The following NRF1 variants were observed in gnomAD, a reference collection of about 807,000 sequenced individuals.
The protein encoded by NRF1 is nuclear respiratory factor 1.
NRF1 carries 5 observed loss-of-function variants against 58.5 expected under a neutral mutation model. The observed-to-expected ratio is 0.09, with a 90% CI of 0.04 to 0.18. NRF1 has a LOEUF of 0.18. NRF1 is among the 10% of genes least tolerant of loss of function. The pLI is 1.00. For synonymous variants in NRF1, 224 were observed against 246.7 expected, an observed-to-expected ratio of 0.91 and a Z score of 0.86; for missense variants, 288 against 657.7, an observed-to-expected ratio of 0.44 and a Z score of 6.15.
chr7:129,630,621 T>C (rs1318325351), intron 1 of NRF1, among the ~76,000 whole-genome samples: 1 of 152,194 alleles, frequency 6.6e-6, no homozygotes, highest in Non-Finnish European at 1.5e-5. Context: ...GTTGGGCTTC[T>C]TTCTTGTTTT....
chr7:129,744,130 C>CTTTTTTTTTT, intron 10 of NRF1: 1 of 1,211,580 alleles, frequency 8.3e-7, no homozygotes, highest in Non-Finnish European at 1.1e-6. Context: ...TTGCCCGGTG[C>CTTTTTTTTTT]TTTTTTTTTT....
intron 3 of NRF1, among the ~76,000 whole-genome samples, chr7:129,677,188 T>C (rs1802202313): frequency 6.6e-6 from 1 of 152,098 alleles, no homozygotes; most frequent in Non-Finnish European, 1.5e-5. Context: ...TGTTTTTGTA[T>C]TTTTAGTAGA....
At chr7:129,671,799 G>T (rs1016051497) in intron 3 of NRF1, among the ~76,000 whole-genome samples, 3 of 152,154 alleles carry the variant, frequency 2.0e-5, no homozygotes, top group Admixed American at 6.6e-5. Flanking sequence ...TAGACATTGG[G>T]CATGGAAGAG....
At chr7:129,613,670 G>T (rs1043073556) in intron 1 of NRF1, among the ~76,000 whole-genome samples, 27 of 152,018 alleles carry the variant, frequency 1.8e-4, no homozygotes, top group Non-Finnish European at 1.0e-4. Flanking sequence ...GGCCGAGGCG[G>T]GGTGGATCAC....
At chr7:129,743,804 G>GC (rs1352654235) in intron 10 of NRF1, among the ~76,000 whole-genome samples, 5 of 152,130 alleles carry the variant, frequency 3.3e-5, no homozygotes, top group Non-Finnish European at 4.4e-5. Context: ...CATCTCCTCT[G>GC]CCCCCCGACC....
intron 1 of NRF1, among the ~76,000 whole-genome samples, chr7:129,627,024 G>A (rs1312630146): frequency 1.3e-5 from 2 of 152,164 alleles, no homozygotes; most frequent in Admixed American, 6.5e-5. Flanking sequence ...AGTATTACAT[G>A]CACATGGTTA....
At chr7:129,664,106 G>C (rs1801865941) in intron 2 of NRF1, among the ~76,000 whole-genome samples, 1 of 148,872 alleles carries the variant, frequency 6.7e-6, no homozygotes, top group Non-Finnish European at 1.5e-5. Context: ...GGCTCCCCAA[G>C]AGAGGGAGAC....
At chr7:129,718,344 T>C (rs898523367) in intron 9 of NRF1, among the ~76,000 whole-genome samples, 6 of 152,222 alleles carry the variant, frequency 3.9e-5, no homozygotes, top group African/African-American at 1.4e-4. Flanking sequence ...GTAGCCAGGC[T>C]CTCCTATTCT....
In NRF1 at chr7:129,660,928, G is replaced by A. The variant is rs1271656832; in HGVS notation, c.223+3354G>A. 7.9e-5 allele frequency among the ~76,000 whole-genome samples: 12 copies of A among 151,202 alleles called. 2 individuals carry two copies. Among genetic ancestry groups the A allele is most frequent in the African/African-American group, 3.0e-4 (12 of 40,482 alleles). ...CTGTACTTGCAGAGGTTCTCTATGA[G>A]GGTCCCGCCCCTGCAGCAAACTTCT... On this transcript the variant is annotated intron_variant, in intron 2 of 10. Coordinates refer to ENST00000393232, the MANE Select transcript of NRF1 (RefSeq NM_005011.5).
chr7:129,728,936 A>C (rs145459615), intron 10 of NRF1, among the ~76,000 whole-genome samples: 73 of 152,278 alleles, frequency 4.8e-4, no homozygotes, highest in African/African-American at 1.6e-3. Context: ...CCATGGTTGG[A>C]ATTAAGGAGA....
chr7:129,647,975 T>G (rs191207109), intron 1 of NRF1, among the ~76,000 whole-genome samples: 4 of 152,316 alleles, frequency 2.6e-5, no homozygotes, highest in African/African-American at 9.6e-5. Context: ...AATTTTAATT[T>G]TCAAAAGGAT....
intron 2 of NRF1, among the ~76,000 whole-genome samples, chr7:129,668,325 C>A (rs1332346308): frequency 6.6e-6 from 1 of 152,096 alleles, no homozygotes; most frequent in Non-Finnish European, 1.5e-5. Context: ...TCATCTCATC[C>A]TTCTAATCAG....
intron 1 of NRF1, among the ~76,000 whole-genome samples, chr7:129,636,971 G>T (rs1801180203): frequency 1.3e-5 from 2 of 152,146 alleles, no homozygotes; most frequent in African/African-American, 4.8e-5. Flanking sequence ...GCAGGCCCCA[G>T]TTACTGTGTC....
chr7:129,711,667 T>C, intron 8 of NRF1, 91 bp downstream of exon 8: 2 of 932,172 alleles, frequency 2.1e-6, no homozygotes, highest in Non-Finnish European at 3.3e-6. Flanking sequence ...AGCCTGCATG[T>C]CTGCGGCACT....
At chr7:129,714,949 C>T (rs865983850) in intron 8 of NRF1, among the ~76,000 whole-genome samples, 8 of 152,154 alleles carry the variant, frequency 5.3e-5, no homozygotes, top group Admixed American at 6.6e-5. Flanking sequence ...GTAAGCACTG[C>T]TAAGGTCCTG....
chr7:129,690,632 T>C (rs1389966332), intron 5 of NRF1, 86 bp downstream of exon 5: 1 of 1,430,070 alleles, frequency 7.0e-7, no homozygotes, highest in African/African-American at 1.4e-5. Flanking sequence ...CATTTTGTCC[T>C]CAGTGATCTG....
chr7:129,720,912 A>G (rs1341713200), intron 9 of NRF1, among the ~76,000 whole-genome samples: 1 of 152,170 alleles, frequency 6.6e-6, no homozygotes, highest in Non-Finnish European at 1.5e-5. Flanking sequence ...ACTTTTGGAA[A>G]GGAGGTGGGA....
chr7:129,659,312 C>T (rs1353291388), intron 2 of NRF1, among the ~76,000 whole-genome samples: 2 of 152,058 alleles, frequency 1.3e-5, no homozygotes, highest in Non-Finnish European at 2.9e-5. Context: ...TTCCTGACCT[C>T]GGGTGATCCA....
chr7:129,650,896 A>G (rs1187516705), intron 1 of NRF1, among the ~76,000 whole-genome samples: 5 of 152,212 alleles, frequency 3.3e-5, no homozygotes, highest in Admixed American at 2.0e-4. Flanking sequence ...CAGGGAATCT[A>G]ACTCCTCATG....
Sources: allele counts gnomAD v4.1 joint callset (sites outside exome capture counted in the v4.1 genomes callset), GRCh38; gene constraint gnomAD v4.1.1; transcripts MANE v1.5; gene names NCBI Gene and HGNC (gene_info 2026-07-23, HGNC 2026-07-21).